NOS1: variants seen among roughly 807,000 people sequenced by gnomAD.
NOS1 encodes nitric oxide synthase 1.
Under a neutral mutation model 164.5 loss-of-function variants are expected in NOS1, and 51 were observed. The ratio of observed to expected loss-of-function variants is 0.31; its 90% confidence interval spans 0.25 to 0.39. The LOEUF (loss-of-function observed/expected upper bound fraction) is 0.39. NOS1 is among the 10% of genes least tolerant of loss of function. The pLI is 1.00. For missense variants in NOS1, 1,362 were observed against 1,885.6 expected (o/e 0.72, Z 5.14); for synonymous variants, 719 against 745.8 (o/e 0.96, Z 0.59).
chr12:117,345,917 G>T (rs1046519078), intron 1 of NOS1, among the ~76,000 whole-genome samples: 3 of 152,222 alleles, frequency 2.0e-5, no homozygotes, highest in Non-Finnish European at 4.4e-5. Flanking sequence ...CACATAATAG[G>T]TACTCAGTGA....
chr12:117,345,821 T>C (rs971953116), intron 1 of NOS1, among the ~76,000 whole-genome samples: 1 of 152,146 alleles, frequency 6.6e-6, no homozygotes, highest in Non-Finnish European at 1.5e-5. Context: ...ATTGTGCCAC[T>C]GGACTCTAGC....
At chr12:117,239,598 G>T (rs773547187) in intron 20 of NOS1, among the ~76,000 whole-genome samples, 1 of 152,198 alleles carries the variant, frequency 6.6e-6, no homozygotes, top group Non-Finnish European at 1.5e-5. Context: ...TCTCACAGGG[G>T]GATTAGTGAT....
rs1018911202 is a variant in NOS1, at chr12:117,272,876, C to T, written c.1665-317G>A. Among the ~76,000 whole-genome samples, 1 of 152,214 alleles carries T rather than the reference C, an allele frequency of 6.6e-6. No individual in the cohort carries two copies. Among genetic ancestry groups the T allele is most frequent in the Non-Finnish European group, 1.5e-5 (1 of 68,048 alleles). On this transcript the variant is annotated intron_variant, in intron 9 of 28. Coordinates refer to ENST00000317775, the MANE Select transcript of NOS1 (RefSeq NM_000620.5). The surrounding 1 kb of genome is among the most constrained non-coding windows in gnomAD (Gnocchi z 4.3). ...AGTGTGGGGACCTCTCTCCCCCTTC[C>T]CCGACTGAGCACCCTCCTACCCTCA...
At chr12:117,244,921 A>G (rs1188161144) in intron 18 of NOS1, among the ~76,000 whole-genome samples, 1 of 152,158 alleles carries the variant, frequency 6.6e-6, no homozygotes, top group Non-Finnish European at 1.5e-5. Flanking sequence ...CAGGAGGTTG[A>G]CAGCTAAAGG....
At chr12:117,361,113 G>C (rs1425669008) in intron 1 of NOS1, among the ~76,000 whole-genome samples, 2 of 152,070 alleles carry the variant, frequency 1.3e-5, no homozygotes. Context: ...GGGACGCCTG[G>C]ATCAGGAACT....
intron 1 of NOS1, among the ~76,000 whole-genome samples, chr12:117,360,401 G>A (rs1877079386): frequency 6.6e-6 from 1 of 152,252 alleles, no homozygotes; most frequent in Non-Finnish European, 1.5e-5. Context: ...CCACCTGGAA[G>A]CAACCTCATC....
Position 117,224,308 on chromosome 12 carries a change from C to T in NOS1, c.3826+708G>A, listed in dbSNP as rs9658513. Among the ~76,000 whole-genome samples, 195 of 151,996 alleles carry T rather than the reference C, an allele frequency of 1.3e-3. 1 individual carries two copies. Among genetic ancestry groups the T allele is most frequent in the African/African-American group, 4.1e-3 (169 of 41,446 alleles). ...TTTATATTTTATTTTTTTTCTCAGACGGAGTCTCACTCTGTCACCCAGGCT... is the reference window on the plus strand; with the variant it reads ...TTTATATTTTATTTTTTTTCTCAGATGGAGTCTCACTCTGTCACCCAGGCT... On this transcript the variant is annotated intron_variant, in intron 25 of 28. Transcript: ENST00000317775.
At chr12:117,230,449 C>T (rs1250594791) in intron 22 of NOS1, among the ~76,000 whole-genome samples, 8 of 152,180 alleles carry the variant, frequency 5.3e-5, no homozygotes. Context: ...ACTTACAGCC[C>T]TTTAAGTGTT....
At chr12:117,311,424 G>A in intron 3 of NOS1, 42 bp downstream of exon 3, 1 of 1,553,458 alleles carries the variant, frequency 6.4e-7, no homozygotes, top group Non-Finnish European at 8.7e-7. Context: ...GGGTCGAGAA[G>A]GCGTGGGAAG....
Position 117,268,138 on chromosome 12 carries a change from C to T in NOS1, c.1846G>A (p.Ala616Thr). ...CTCATGTCTAAGTTCATCTTCTTGG[C>T]CACTTCCTGAAAGAGGAAGGAAACA... Reference protein sequence around the residue: ...NSRYNILEEVAKKMNLDMRKT... With the variant: ...NSRYNILEEVTKKMNLDMRKT... Residue 616 changes from alanine to threonine, a missense_variant, in exon 11 of 29, where the codon GCC becomes ACC. Transcript: ENST00000317775. 2 of 1,612,002 alleles carry T rather than the reference C, an allele frequency of 1.2e-6. No individual in the cohort carries two copies. The highest frequency in any genetic ancestry group is 1.7e-6 in the Non-Finnish European group (2 of 1,178,128).
rs962905917 is a variant in NOS1, at chr12:117,331,177, G to A, written c.-108C>T. 17 of 1,381,424 alleles carry A rather than the reference G, an allele frequency of 1.2e-5. No homozygotes were observed. Among genetic ancestry groups the A allele is most frequent in the African/African-American group, 7.2e-5 (5 of 69,332 alleles). The allele number at this position is 1,381,424 out of a possible 1,614,324, so 85.6% of individuals were successfully genotyped here. ...TCAGGCTACACGGAGAGCAGGAGCC[G>A]GGGTGACAGGTGCTGACAAGGCTTC... On this transcript the variant is annotated 5_prime_UTR_variant, in exon 2 of 29. Transcript: ENST00000317775.
In NOS1 at chr12:117,272,191, G is replaced by T. The variant is rs920240506; in HGVS notation, c.1839+194C>A. On this transcript the variant is annotated intron_variant, in intron 10 of 28. Coordinates refer to ENST00000317775, the MANE Select transcript of NOS1 (RefSeq NM_000620.5). This position sits in a 1 kb window ranked among gnomAD's most constrained non-coding sequence, Gnocchi z 4.3. ...TTAGCACGTGCTATGTGCTATGTGC[G>T]TGTTTGCTGTTATTTTCATTGTTGT... 6.6e-6 allele frequency among the ~76,000 whole-genome samples: 1 copy of T among 152,156 alleles called. No homozygotes were observed. The highest frequency in any genetic ancestry group is 1.5e-5 in the Non-Finnish European group (1 of 68,036).
chr12:117,254,819 C>G (rs1370305404), intron 16 of NOS1, among the ~76,000 whole-genome samples: 1 of 152,150 alleles, frequency 6.6e-6, no homozygotes, highest in Non-Finnish European at 1.5e-5. Context: ...ATTTACATCT[C>G]TCTAGAAAGT....
intron 3 of NOS1, among the ~76,000 whole-genome samples, chr12:117,290,689 T>C (rs986465152): frequency 1.3e-5 from 2 of 151,976 alleles, no homozygotes; most frequent in Non-Finnish European, 2.9e-5. Flanking sequence ...AACTCAAAGG[T>C]GGTCTCTCTG....
rs1233595202 is a variant in NOS1, at chr12:117,303,929, T to C, written c.852+7537A>G. 2.0e-5 allele frequency among the ~76,000 whole-genome samples: 3 copies of C among 152,104 alleles called. No individual in the cohort carries two copies. In the East Asian group the frequency reaches 5.8e-4, roughly 29 times the overall value. On this transcript the variant is annotated intron_variant, in intron 3 of 28. Transcript: ENST00000317775. The stretch of plus-strand genomic sequence containing the variant: ...TGTTCACGCCTGTAATTCCAGCACT[T>C]TGGGAGGCTGAGGCGGGTGGATCAC...
Position 117,209,218 on chromosome 12 carries a change from G to A in NOS1, c.*6091C>T, listed in dbSNP as rs758331253. On this transcript the variant is annotated 3_prime_UTR_variant, in exon 29 of 29. Transcript: ENST00000317775. Reference sequence around the variant, plus strand: ...TCTTGACCCTGAAGTCCAAGAGAGGGGTGTTGCCCCCTGGGGACATTGGGC... The same window carrying A: ...TCTTGACCCTGAAGTCCAAGAGAGGAGTGTTGCCCCCTGGGGACATTGGGC... 4.1e-5 allele frequency: 40 copies of A among 985,324 alleles called. No homozygotes were observed. Among genetic ancestry groups the A allele is most frequent in the Non-Finnish European group, 4.8e-5 (40 of 829,864 alleles). 61.0% of individuals were successfully genotyped at this position (985,324 alleles called of 1,614,324 possible). A position where few individuals can be genotyped will look rare whatever the true frequency, so the allele number is the denominator to read the frequency against.
At position 117,243,658 on chromosome 12, in the gene NOS1, T is replaced by C. The variant is rs2135955696; in HGVS notation, c.2824-223A>G. On this transcript the variant is annotated intron_variant, in intron 18 of 28. Coordinates refer to ENST00000317775, the MANE Select transcript of NOS1 (RefSeq NM_000620.5). This position sits in a 1 kb window ranked among gnomAD's most constrained non-coding sequence, Gnocchi z 4.3. ...TCCCTCTACCCTTTCGTTGTCTTCC[T>C]TCCATCCATTCACCCATCCACTCAT... Among the ~76,000 whole-genome samples, 1 of 151,268 alleles carries C rather than the reference T, an allele frequency of 6.6e-6. No individual in the cohort carries two copies. The highest frequency in any genetic ancestry group is 2.0e-4 in the East Asian group (1 of 5,124).
chr12:117,280,725 C>T lies in NOS1; in HGVS notation c.1524G>A (p.Glu508=). Residue 508 remains glutamate, a splice_region_variant and synonymous_variant, in exon 8 of 29, where the codon GAG becomes GAA. Transcript: ENST00000317775. ...LGDPANVQFT[E]ICIQQGWKPP... The stretch of plus-strand genomic sequence containing the variant: ...GGGTAGGGGGCGGAAACGCTCGCAC[C>T]TCTGTGAACTGCACATTGGCTGGGT... 6.2e-7 allele frequency: 1 copy of T among 1,613,428 alleles called. No individual in the cohort carries two copies. Among genetic ancestry groups the T allele is most frequent in the Non-Finnish European group, 8.5e-7 (1 of 1,179,554 alleles).
chr12:117,226,347 T>G (rs1461367866), intron 24 of NOS1, among the ~76,000 whole-genome samples: 1 of 152,140 alleles, frequency 6.6e-6, no homozygotes, highest in African/African-American at 2.4e-5. Context: ...GAGCGAGCAG[T>G]AGAATTTGGC....
Sources: allele counts gnomAD v4.1 joint callset (sites outside exome capture counted in the v4.1 genomes callset), GRCh38; gene constraint gnomAD v4.1.1; non-coding constraint Gnocchi (gnomAD v3.1); transcripts MANE v1.5; gene names NCBI Gene and HGNC (gene_info 2026-07-23, HGNC 2026-07-21).